Variants in MCF2L observed in about 807,000 individuals in gnomAD.
MCF2L encodes the protein guanine nucleotide exchange factor DBS.
In MCF2L, 97 loss-of-function variants were observed where a neutral mutation model predicts 153.4. That is an observed-to-expected ratio of 0.63 (90% CI 0.54 to 0.75). The LOEUF is 0.75. MCF2L is among the 30% of genes least tolerant of loss of function. MCF2L has a pLI of 0.00. For synonymous variants in MCF2L, 659 were observed against 632.2 expected (o/e 1.04, Z -0.64); for missense variants, 1,347 against 1,495.2 (o/e 0.90, Z 1.64).
At chr13:112,912,421 A>G (rs1440047309) in intron 2 of MCF2L, among the ~76,000 whole-genome samples, 1 of 151,930 alleles carries the variant, frequency 6.6e-6, no homozygotes, top group Non-Finnish European at 1.5e-5. Context: ...GGTTCAAGCA[A>G]TTCTCCTGCC....
rs144306237 is a variant in MCF2L, at chr13:113,063,989, G to A, written c.490-315G>A. ...AGGTCGGTCTTGCTCCCCGTGACAC[G>A]TCTGTGGTCACAAAGCCTATGGCTA... On this transcript the variant is annotated intron_variant, in intron 5 of 29. Coordinates refer to ENST00000535094, the MANE Select transcript of MCF2L (RefSeq NM_001112732.3). 399 of 416,210 alleles carry A rather than the reference G, an allele frequency of 9.6e-4. 5 individuals are homozygous for A. The East Asian group carries it at 0.015, about 16-fold the overall frequency. 25.8% of individuals were successfully genotyped at this position (416,210 alleles called of 1,614,324 possible).
intron 4 of MCF2L, among the ~76,000 whole-genome samples, chr13:113,055,933 G>A (rs367870251): frequency 2.0e-5 from 3 of 152,186 alleles, no homozygotes; most frequent in Non-Finnish European, 4.4e-5. Flanking sequence ...GGAGAGCAGC[G>A]GAGACAGGAG....
At chr13:113,014,297 C>T (rs2084368753) in intron 1 of MCF2L, among the ~76,000 whole-genome samples, 1 of 152,226 alleles carries the variant, frequency 6.6e-6, no homozygotes, top group African/African-American at 2.4e-5. Flanking sequence ...TGTGCGGAGG[C>T]AGAGGCCCAT....
At chr13:112,975,733 G>C (rs941382867) in intron 1 of MCF2L, among the ~76,000 whole-genome samples, 1 of 152,222 alleles carries the variant, frequency 6.6e-6, no homozygotes. Context: ...AAGTATGTGG[G>C]GATTTTCCAG....
chr13:112,924,022 C>T (rs3011488), intron 2 of MCF2L, among the ~76,000 whole-genome samples: 11,876 of 152,052 alleles, frequency 0.078, 608 homozygotes, highest in South Asian at 0.14. Flanking sequence ...CTTCCCAGAG[C>T]GTCCTATCAG....
intron 2 of MCF2L, among the ~76,000 whole-genome samples, chr13:112,944,231 G>A (rs1311595036): frequency 1.3e-5 from 2 of 151,820 alleles, no homozygotes; most frequent in Admixed American, 6.5e-5. Context: ...CCTGGGCTGT[G>A]AGGGGAGGGT....
At chr13:112,992,947 G>A (rs1406885820) in intron 1 of MCF2L, among the ~76,000 whole-genome samples, 1 of 152,234 alleles carries the variant, frequency 6.6e-6, no homozygotes, top group Non-Finnish European at 1.5e-5. Context: ...GTCAGACCCT[G>A]GTGCAAACCC....
At chr13:113,078,642 A>T (rs1450143923) in intron 14 of MCF2L, 24 bp from the exon 15 acceptor site, 2 of 1,605,684 alleles carry the variant, frequency 1.2e-6, no homozygotes, top group African/African-American at 1.3e-5. Context: ...CGCCTTTCAG[A>T]CCTGACGCTG....
At chr13:113,039,450 A>C (rs533581498) in intron 3 of MCF2L, among the ~76,000 whole-genome samples, 2 of 152,334 alleles carry the variant, frequency 1.3e-5, no homozygotes, top group Admixed American at 1.3e-4. Context: ...AATTATCAGA[A>C]AGGAAAAGGT....
chr13:112,980,609 C>T (rs1212110918), intron 1 of MCF2L, among the ~76,000 whole-genome samples: 1 of 152,270 alleles, frequency 6.6e-6, no homozygotes, highest in African/African-American at 2.4e-5. Context: ...CCACCATGCG[C>T]AGGAGAGCCT....
chr13:112,923,871 T>G (rs1187853041), intron 2 of MCF2L, among the ~76,000 whole-genome samples: 2 of 152,116 alleles, frequency 1.3e-5, no homozygotes, highest in Non-Finnish European at 2.9e-5. Flanking sequence ...AGCAGCCCCT[T>G]AGTATTTCTT....
intron 1 of MCF2L, among the ~76,000 whole-genome samples, chr13:112,981,885 G>C (rs1477585777): frequency 6.6e-6 from 1 of 152,248 alleles, no homozygotes; most frequent in Admixed American, 6.5e-5. Flanking sequence ...CAGGAGCTCG[G>C]CACCCCGCAG....
At chr13:113,001,750 G>A (rs1055635894) in intron 1 of MCF2L, 47 of 1,361,068 alleles carry the variant, frequency 3.5e-5, no homozygotes, top group South Asian at 2.2e-4. Flanking sequence ...AGGAGCAGCC[G>A]GCTGGCTGCC....
rs2035519214 is a variant in MCF2L at position 113,094,868 on chromosome 13, T to C, written c.3075+233T>C. 6 of 1,106,008 alleles carry C rather than the reference T, an allele frequency of 5.4e-6. No homozygotes were observed. In the South Asian group the frequency reaches 7.9e-5, roughly 15 times the overall value. 68.5% of individuals were successfully genotyped at this position (1,106,008 alleles called of 1,614,324 possible). On this transcript the variant is annotated intron_variant, in intron 27 of 29. Transcript: ENST00000535094. Reference sequence around the variant, plus strand: ...GCACAGCCCCAGCTCCTCCTAACTCTCTCTGGAAGGTCCACCTGGGCCTGG... The same window carrying C: ...GCACAGCCCCAGCTCCTCCTAACTCCCTCTGGAAGGTCCACCTGGGCCTGG...
chr13:112,992,407 C>T (rs1359959891), intron 1 of MCF2L, among the ~76,000 whole-genome samples: 1 of 152,188 alleles, frequency 6.6e-6, no homozygotes, highest in Non-Finnish European at 1.5e-5. Flanking sequence ...GAGGCCCAGT[C>T]GGAATGTGCC....
upstream of MCF2L, chr13:112,968,682 G>A (rs1476594360): frequency 1.4e-6 from 2 of 1,478,826 alleles, no homozygotes; most frequent in East Asian, 2.7e-5. Flanking sequence ...TGCGGCCTCT[G>A]CAGCTTCTAC....
Position 113,085,190 on chromosome 13 carries a change from G to T in MCF2L, c.2247+12G>T. 4 of 1,611,680 alleles carry T rather than the reference G, an allele frequency of 2.5e-6. No homozygotes were observed. Among genetic ancestry groups the T allele is most frequent in the South Asian group, 1.1e-5 (1 of 91,006 alleles). ...AGCTGCTGCTCAAGGTGGGCTCCGC[G>T]GTGACCGTGGCCCGGCCTCCCCAGC... On this transcript the variant is annotated intron_variant, in intron 20 of 29. Transcript: ENST00000535094.
At chr13:112,931,967 A>G (rs1167976893) in intron 2 of MCF2L, among the ~76,000 whole-genome samples, 6 of 152,332 alleles carry the variant, frequency 3.9e-5, no homozygotes, top group East Asian at 1.9e-4. Context: ...TTGAATAGAT[A>G]TTAATACATG....
upstream of MCF2L, chr13:112,968,540 C>A (rs746463304): frequency 6.4e-7 from 1 of 1,556,416 alleles, no homozygotes. Flanking sequence ...GCAGGCGATG[C>A]CCCTGCGGGG....
Sources: allele counts gnomAD v4.1 joint callset (sites outside exome capture counted in the v4.1 genomes callset), GRCh38; gene constraint gnomAD v4.1.1; transcripts MANE v1.5; gene names NCBI Gene and HGNC (gene_info 2026-07-23, HGNC 2026-07-21).